Variants in SH2D3C observed in about 807,000 individuals in gnomAD.
SH2D3C encodes the protein SH2 domain containing 3C, also known as SH2 domain-containing protein 3C.
A neutral mutation model predicts 75.2 loss-of-function variants in SH2D3C; 25 were observed. The ratio of observed to expected loss-of-function variants is 0.33; its 90% CI spans 0.24 to 0.46. The LOEUF (loss-of-function observed/expected upper bound fraction) is 0.46, where lower values mean the gene tolerates loss of function less well. Among genes scored for constraint, SH2D3C ranks in the 20% least tolerant of loss-of-function variants. SH2D3C has a pLI of 1.00. For synonymous variants in SH2D3C, 450 were observed against 473.7 expected (o/e 0.95, Z 0.65); for missense variants, 933 against 1,165.3 (o/e 0.80, Z 2.90).
intron 10 of SH2D3C, 101 bp downstream of exon 10, chr9:127,740,157 T>C (rs1844811097): frequency 1.0e-6 from 1 of 996,068 alleles, no homozygotes; most frequent in African/African-American, 1.6e-5. Context: ...GAAAGTAGCT[T>C]GCACAGAGCT....
At position 127,767,058 on chromosome 9, in the gene SH2D3C, G is replaced by A. The variant is rs895487000; in HGVS notation, c.516-5408C>T. The A allele has an allele frequency of 2.0e-6, 3 of 1,536,086 alleles. No homozygotes were observed. In the African/African-American group the frequency reaches 4.1e-5, roughly 21 times the overall value. The stretch of plus-strand genomic sequence containing the variant: ...CGGGAAGGCTCTTGGCTTTGGCCCT[G>A]CCCCACTCCCCAAGATGGGCCACCA... On this transcript the variant is annotated intron_variant, in intron 2 of 11. Transcript: ENST00000314830.
intron 6 of SH2D3C, among the ~76,000 whole-genome samples, chr9:127,746,496 A>C (rs1334164457): frequency 6.6e-6 from 1 of 152,262 alleles, no homozygotes. Flanking sequence ...TGCTCTAAAA[A>C]ATAAAGTCTA....
At chr9:127,758,534 T>G (rs1332012692) in intron 3 of SH2D3C, among the ~76,000 whole-genome samples, 1 of 152,152 alleles carries the variant, frequency 6.6e-6, no homozygotes, top group East Asian at 1.9e-4. Context: ...GCTTTGGTGT[T>G]GGTTTTCCCC....
At chr9:127,758,138 A>C (rs1264506292) in intron 3 of SH2D3C, among the ~76,000 whole-genome samples, 1 of 150,746 alleles carries the variant, frequency 6.6e-6, no homozygotes, top group East Asian at 2.0e-4. Flanking sequence ...TTCCCAGCTA[A>C]TTTTTATATA....
intron 3 of SH2D3C, among the ~76,000 whole-genome samples, chr9:127,759,654 GC>G (rs1845478321): frequency 1.3e-5 from 2 of 151,956 alleles, no homozygotes; most frequent in Non-Finnish European, 2.9e-5. Context: ...TTTGAGACCA[GC>G]CTGGGCAACA....
chr9:127,765,823 TAA>T (rs751833721), intron 2 of SH2D3C, among the ~76,000 whole-genome samples: 24 of 152,048 alleles, frequency 1.6e-4, no homozygotes, highest in Admixed American at 2.6e-4. Context: ...TTTACAAACC[TAA>T]AAGAGACTTC....
intron 3 of SH2D3C, chr9:127,755,384 C>T (rs964838254): frequency 3.8e-5 from 13 of 341,414 alleles, no homozygotes; most frequent in African/African-American, 8.7e-5. Flanking sequence ...GCCCGCCCCC[C>T]GCTCCCAGCC....
chr9:127,750,963 A>C (rs1381472413), intron 4 of SH2D3C, among the ~76,000 whole-genome samples: 1 of 152,250 alleles, frequency 6.6e-6, no homozygotes, highest in African/African-American at 2.4e-5. Context: ...ACCCCTTTGC[A>C]GTAGATACTG....
chr9:127,771,404 C>T (rs1845737465), intron 2 of SH2D3C: 2 of 1,314,292 alleles, frequency 1.5e-6, no homozygotes, highest in African/African-American at 1.5e-5. Flanking sequence ...ACTCCACCGC[C>T]TACTCCACCG....
At position 127,759,964 on chromosome 9, in the gene SH2D3C, C is replaced by T. The variant is rs1327831274; in HGVS notation, c.555+1647G>A. Reference sequence around the variant, plus strand: ...CACCACTGTGCTCCAGCCTGGGCAACAGAGTGAGACTCCGTCTCAAAAAAA... The same window carrying T: ...CACCACTGTGCTCCAGCCTGGGCAATAGAGTGAGACTCCGTCTCAAAAAAA... On this transcript the variant is annotated intron_variant, in intron 3 of 11. Transcript: ENST00000314830. 4.1e-5 allele frequency among the ~76,000 whole-genome samples: 6 copies of T among 147,816 alleles called. No individual in the cohort carries two copies. In the Admixed American group the frequency reaches 4.1e-4, roughly 10 times the overall value.
In SH2D3C at chr9:127,744,925, G is replaced by C. The variant is rs559861860; in HGVS notation, c.1439C>G (p.Pro480Arg). ...ACTGTAGCTGCTGAGTGATGGTGAC[G>C]GGGAGGCCTTGCCAAGGGTGTGGGA... ...SPSHTLGKAS[P>R]SPSLSSYSDP... Residue 480 changes from proline to arginine, a missense_variant, in exon 7 of 12, where the codon CCG (proline) becomes CGG (arginine). Transcript: ENST00000314830. 1.3e-5 allele frequency: 20 copies of C among 1,598,694 alleles called. No individual in the cohort carries two copies. Among genetic ancestry groups the C allele is most frequent in the Non-Finnish European group, 1.7e-5 (20 of 1,170,498 alleles).
At chr9:127,769,599 T>A (rs1467804926) in intron 2 of SH2D3C, among the ~76,000 whole-genome samples, 1 of 142,754 alleles carries the variant, frequency 7.0e-6, no homozygotes, top group Admixed American at 7.2e-5. Flanking sequence ...GAGGTTGCGG[T>A]CAGCCGAGAT....
At chr9:127,757,584 G>A (rs1381174688) in intron 3 of SH2D3C, among the ~76,000 whole-genome samples, 2 of 149,180 alleles carry the variant, frequency 1.3e-5, no homozygotes, top group Non-Finnish European at 3.0e-5. Context: ...GGGATTACAG[G>A]CATGCACCAC....
In SH2D3C at chr9:127,745,026, G is replaced by A. The variant is rs770176536; in HGVS notation, c.1338C>T (p.Ser446=). 4 of 1,513,162 alleles carry A rather than the reference G, an allele frequency of 2.6e-6. No individual in the cohort carries two copies. Among genetic ancestry groups the A allele is most frequent in the Non-Finnish European group, 3.5e-6 (4 of 1,131,376 alleles). 93.7% of individuals were successfully genotyped at this position (1,513,162 alleles called of 1,614,324 possible). A position where few individuals can be genotyped will look rare whatever the true frequency, so the allele number is the denominator to read the frequency against. The change falls in exon 7 of 12, where the codon TCC becomes TCT. Residue 446 remains serine, a synonymous_variant. Transcript: ENST00000314830. ...TTCCGGGACACAGCTGGGGCTCACT[G>A]GAACGGCGGGCGACAGGGGAGGCAG... The part of the protein sequence containing the change: ...ALPASPVARR[S]SEPQLCPGSA...
chr9:127,755,235 G>A (rs1845343169), intron 3 of SH2D3C: 2 of 1,187,696 alleles, frequency 1.7e-6, no homozygotes, highest in Non-Finnish European at 2.1e-6. Context: ...GGGACCAACC[G>A]GCTAGGCACC....
At chr9:127,775,241 C>A (rs557029104) in intron 1 of SH2D3C, among the ~76,000 whole-genome samples, 1 of 152,332 alleles carries the variant, frequency 6.6e-6, no homozygotes, top group African/African-American at 2.4e-5. Flanking sequence ...CACCTGTCAT[C>A]CCAACACTTT....
At chr9:127,742,827 C>G (rs1844905177) in intron 8 of SH2D3C, 22 bp downstream of exon 8, 1 of 1,589,740 alleles carries the variant, frequency 6.3e-7, no homozygotes, top group South Asian at 1.1e-5. Flanking sequence ...CCGCGAGTCC[C>G]CGGGTGCCGG....
Position 127,741,936 on chromosome 9 carries a change from A to G in SH2D3C, c.1940T>C (p.Leu647Pro). 6.2e-7 allele frequency: 1 copy of G among 1,612,670 alleles called. No individual in the cohort carries two copies. The highest frequency in any genetic ancestry group is 8.5e-7 in the Non-Finnish European group (1 of 1,179,860). Residue 647 changes from leucine to proline, a missense_variant, in exon 9 of 12, where the codon CTG becomes CCG. Coordinates refer to ENST00000314830, the MANE Select transcript of SH2D3C (RefSeq NM_170600.3). Reference protein sequence around the residue: ...LERFHTMSIMLAVDILGCTGS... With the variant: ...LERFHTMSIMPAVDILGCTGS... ...GGTGCAGCCCAGGATGTCCACGGCC[A>G]GCATGATGGACATGGTGTGGAACCT...
intron 2 of SH2D3C, among the ~76,000 whole-genome samples, chr9:127,765,617 C>T (rs1238451142): frequency 6.6e-6 from 1 of 152,158 alleles, no homozygotes; most frequent in Non-Finnish European, 1.5e-5. Context: ...AGCCTCAGGG[C>T]CTTTGCACGT....
Sources: allele counts gnomAD v4.1 joint callset (sites outside exome capture counted in the v4.1 genomes callset), GRCh38; gene constraint gnomAD v4.1.1; transcripts MANE v1.5; gene names NCBI Gene and HGNC (gene_info 2026-07-23, HGNC 2026-07-21).